SLC49A4: variants seen among roughly 807,000 people sequenced by gnomAD.
SLC49A4 encodes disrupted in renal cancer protein 2.
A neutral mutation model predicts 50.6 loss-of-function variants in SLC49A4; 36 were observed. That is an observed-to-expected ratio of 0.71 (90% CI 0.55 to 0.94). The LOEUF is 0.94. Among genes scored for constraint, SLC49A4 ranks in the 40% least tolerant of loss-of-function variants. The probability of loss-of-function intolerance (pLI) is 0.00; values close to 1 mark genes in which losing one functional copy is unlikely to be tolerated. For synonymous variants in SLC49A4, 248 were observed against 241.2 expected (o/e 1.03, Z -0.26); for missense variants, 503 against 605.7 (o/e 0.83, Z 1.78).
intron 2 of SLC49A4, among the ~76,000 whole-genome samples, chr3:122,823,410 C>T (rs1936481167): frequency 6.6e-6 from 1 of 152,244 alleles, no homozygotes; most frequent in African/African-American, 2.4e-5. Context: ...GTACTCTTGT[C>T]ATAGGCAGCA....
chr3:122,839,738 A>G (rs575999816), intron 4 of SLC49A4, among the ~76,000 whole-genome samples: 7 of 152,280 alleles, frequency 4.6e-5, no homozygotes, highest in East Asian at 1.9e-4. Flanking sequence ...TCAAAAAACA[A>G]TAGATGTTGA....
chr3:122,823,203 C>A (rs868183534), intron 2 of SLC49A4, among the ~76,000 whole-genome samples: 3 of 152,214 alleles, frequency 2.0e-5, no homozygotes, highest in Non-Finnish European at 4.4e-5. Context: ...CCCAGGCCTG[C>A]TCTTCCAAGA....
intron 2 of SLC49A4, among the ~76,000 whole-genome samples, chr3:122,819,751 G>A (rs1936425453): frequency 6.6e-6 from 1 of 151,308 alleles, no homozygotes; most frequent in African/African-American, 2.4e-5. Flanking sequence ...CCTTTTCTTG[G>A]GCTAAATAAA....
chr3:122,829,799 A>G (rs1174151520), intron 3 of SLC49A4, among the ~76,000 whole-genome samples: 1 of 152,180 alleles, frequency 6.6e-6, no homozygotes, highest in Non-Finnish European at 1.5e-5. Flanking sequence ...TATGAACAAG[A>G]CAAGGATGTC....
At chr3:122,866,818 C>T (rs1937127532) in intron 7 of SLC49A4, among the ~76,000 whole-genome samples, 1 of 152,122 alleles carries the variant, frequency 6.6e-6, no homozygotes, top group Non-Finnish European at 1.5e-5. Flanking sequence ...TGCTAGGGTC[C>T]TCCTTAAAAC....
chr3:122,800,228 G>T (rs1190096688), intron 1 of SLC49A4, among the ~76,000 whole-genome samples: 1 of 152,232 alleles, frequency 6.6e-6, no homozygotes, highest in African/African-American at 2.4e-5. Flanking sequence ...GAGCCTTGGG[G>T]CATTCCAACA....
At position 122,795,578 on chromosome 3, in the gene SLC49A4, G is replaced by A. The variant is rs749885345; in HGVS notation, c.343+43G>A. On this transcript the variant is annotated intron_variant, in intron 1 of 8. Coordinates refer to ENST00000261038, the MANE Select transcript of SLC49A4 (RefSeq NM_032839.3). ...GCCAGCCCGCGCTGTCTCTCCTCCGGGAGCAGGCGCCTGCCCGCGCTCCAG... is the reference window on the plus strand; with the variant it reads ...GCCAGCCCGCGCTGTCTCTCCTCCGAGAGCAGGCGCCTGCCCGCGCTCCAG... 24 of 1,550,948 alleles carry A rather than the reference G, an allele frequency of 1.5e-5. No individual in the cohort carries two copies. In the East Asian group the frequency reaches 5.1e-4, roughly 33 times the overall value.
intron 2 of SLC49A4, among the ~76,000 whole-genome samples, chr3:122,821,485 G>T (rs1172703846): frequency 6.6e-6 from 1 of 152,206 alleles, no homozygotes; most frequent in East Asian, 1.9e-4. Flanking sequence ...GCACACATCT[G>T]CTTCCTGACA....
chr3:122,820,589 A>G (rs1936435910), intron 2 of SLC49A4, among the ~76,000 whole-genome samples: 2 of 152,248 alleles, frequency 1.3e-5, no homozygotes, highest in Non-Finnish European at 2.9e-5. Flanking sequence ...TGAACTGTAG[A>G]TCTTCAATTT....
At chr3:122,855,268 C>T (rs1054947709) in intron 5 of SLC49A4, among the ~76,000 whole-genome samples, 3 of 152,132 alleles carry the variant, frequency 2.0e-5, no homozygotes, top group Non-Finnish European at 4.4e-5. Flanking sequence ...GATAATTATT[C>T]TGGCAACAGT....
At chr3:122,842,761 A>G (rs919067138) in intron 4 of SLC49A4, among the ~76,000 whole-genome samples, 1 of 152,152 alleles carries the variant, frequency 6.6e-6, no homozygotes, top group Non-Finnish European at 1.5e-5. Flanking sequence ...TTTAAACCGT[A>G]AAGTGTAAGA....
intron 8 of SLC49A4, among the ~76,000 whole-genome samples, chr3:122,878,115 T>C (rs62261708): frequency 0.27 from 40,759 of 152,098 alleles, 6,942 homozygotes; most frequent in Non-Finnish European, 0.39. Context: ...GCCATAAGAA[T>C]TATGGATTAA....
chr3:122,843,722 A>C (rs1383166238), intron 4 of SLC49A4, among the ~76,000 whole-genome samples: 1 of 152,184 alleles, frequency 6.6e-6, no homozygotes, highest in Non-Finnish European at 1.5e-5. Flanking sequence ...CTCATTGTAT[A>C]GTTTGACATG....
intron 5 of SLC49A4, 30 bp from the exon 6 acceptor site, chr3:122,856,277 T>C (rs1161474390): frequency 1.2e-6 from 2 of 1,611,308 alleles, no homozygotes; most frequent in South Asian, 2.2e-5. Flanking sequence ...GATTGTCTTG[T>C]ATTAAATGTG....
chr3:122,807,040 G>A (rs986361017), intron 2 of SLC49A4, 90 bp downstream of exon 2: 6 of 707,194 alleles, frequency 8.5e-6, no homozygotes, highest in Non-Finnish European at 1.2e-5. Flanking sequence ...CATATTTATA[G>A]AAGCGTTTAT....
chr3:122,806,807 T>C, intron 1 of SLC49A4, 50 bp from the exon 2 acceptor site: 1 of 1,116,268 alleles, frequency 9.0e-7, no homozygotes, highest in Non-Finnish European at 1.4e-6. Flanking sequence ...TTTTTAACAT[T>C]GGACTTAGGA....
chr3:122,878,389 G>A (rs1169170244), intron 8 of SLC49A4, among the ~76,000 whole-genome samples: 1 of 152,200 alleles, frequency 6.6e-6, no homozygotes, highest in Non-Finnish European at 1.5e-5. Context: ...TTGACTGGCA[G>A]ATGGGATTGG....
chr3:122,825,433 A>G (rs963078213), intron 2 of SLC49A4, among the ~76,000 whole-genome samples: 4 of 151,984 alleles, frequency 2.6e-5, no homozygotes, highest in Non-Finnish European at 5.9e-5. Context: ...TAATTTAGTA[A>G]TATCAATATC....
chr3:122,866,710 C>T (rs912804734), intron 7 of SLC49A4, among the ~76,000 whole-genome samples: 2 of 152,130 alleles, frequency 1.3e-5, no homozygotes, highest in Non-Finnish European at 2.9e-5. Context: ...TAACCATCCC[C>T]CCCTGCCCCC....
Sources: gnomAD v4.1 joint callset for allele counts (sites outside exome capture counted in the v4.1 genomes callset) on GRCh38, gnomAD v4.1.1 for gene constraint, MANE v1.5 for transcripts, NCBI Gene and HGNC (gene_info 2026-07-23, HGNC 2026-07-21) for gene names.